Variants in DAB1 observed in about 807,000 individuals in gnomAD.
The protein encoded by DAB1 is DAB adaptor protein 1.
A neutral mutation model predicts 64.6 loss-of-function variants in DAB1; 15 were observed. The ratio of observed to expected loss-of-function variants is 0.23; its 90% confidence interval spans 0.16 to 0.36. The LOEUF (loss-of-function observed/expected upper bound fraction) is 0.36. Ranked by LOEUF, DAB1 falls within the 10% of genes least tolerant of loss-of-function variation. DAB1 has a pLI of 1.00. For synonymous variants in DAB1, 235 were observed against 251.9 expected (o/e 0.93, Z 0.64); for missense variants, 596 against 706.7 (o/e 0.84, Z 1.78).
At chr1:57,196,470 A>G (rs483412) in intron 2 of DAB1, among the ~76,000 whole-genome samples, 47,822 of 152,090 alleles carry the variant, frequency 0.31, 7,818 homozygotes, top group Middle Eastern at 0.39. Flanking sequence ...AACCAGGAAG[A>G]TTAGCAAACA....
In DAB1 at chr1:58,533,903, T is replaced by G. The variant is rs765296452; in HGVS notation, n.33-6568A>C. On this transcript the variant is annotated intron_variant and non_coding_transcript_variant, in intron 1 of 20. Coordinates refer to the DAB1 transcript ENST00000485760. ...CAGTTCTTTAAAAGATTTAACTTGT[T>G]AACTTCAAAGCAGTTTTTCCAAACC... 3.9e-5 allele frequency: 33 copies of G among 841,782 alleles called. No homozygotes were observed. In the South Asian group the frequency reaches 4.4e-4, roughly 11 times the overall value. The allele number at this position is 841,782 out of a possible 1,614,324, so 52.1% of individuals were successfully genotyped here. A position where few individuals can be genotyped will look rare whatever the true frequency, so the allele number is the denominator to read the frequency against.
intron 4 of DAB1, among the ~76,000 whole-genome samples, chr1:58,324,397 A>G (rs1662772805): frequency 6.6e-6 from 1 of 152,154 alleles, no homozygotes; most frequent in Admixed American, 6.5e-5. Context: ...TTTTCTCATC[A>G]TATTAGTTTT....
intron 5 of DAB1, among the ~76,000 whole-genome samples, chr1:57,984,260 G>GAA (rs869201141): frequency 2.2e-5 from 3 of 134,070 alleles, no homozygotes; most frequent in African/African-American, 8.4e-5. Context: ...AAGAAAGAAA[G>GAA]AAAAAAAATT....
chr1:58,501,963 C>T (rs969276178), intron 3 of DAB1, among the ~76,000 whole-genome samples: 1 of 151,876 alleles, frequency 6.6e-6, no homozygotes, highest in African/African-American at 2.4e-5. Context: ...AATTTATTAT[C>T]TGTCTCCCTT....
At chr1:57,880,553 T>A (rs1002079380) in intron 1 of DAB1, 1 of 152,204 alleles carries the variant, frequency 6.6e-6, no homozygotes, top group Admixed American at 6.5e-5. Flanking sequence ...CCTATCGGAA[T>A]GAATGTATCC....
At chr1:57,509,117 C>T (rs1004196520) in intron 7 of DAB1, among the ~76,000 whole-genome samples, 2 of 152,070 alleles carry the variant, frequency 1.3e-5, no homozygotes, top group Non-Finnish European at 2.9e-5. Flanking sequence ...ACATATTATA[C>T]ATACACACAC....
chr1:58,041,363 A>G (rs961764442), intron 5 of DAB1, among the ~76,000 whole-genome samples: 2 of 152,228 alleles, frequency 1.3e-5, no homozygotes, highest in Non-Finnish European at 2.9e-5. Flanking sequence ...TAGCATCTAG[A>G]AAAACACTTG....
At chr1:57,657,731 T>C (rs1274428228) in intron 6 of DAB1, among the ~76,000 whole-genome samples, 1 of 152,196 alleles carries the variant, frequency 6.6e-6, no homozygotes, top group Non-Finnish European at 1.5e-5. Context: ...TTCATGTGTG[T>C]AGTGGCATTA....
intron 2 of DAB1, among the ~76,000 whole-genome samples, chr1:57,219,809 G>A (rs760564319): frequency 1.5e-4 from 23 of 152,122 alleles, no homozygotes; most frequent in Admixed American, 6.5e-5. Context: ...ACTTGGAAGA[G>A]GATCCCAAGC....
chr1:57,797,445 C>T (rs1024246166), intron 6 of DAB1, among the ~76,000 whole-genome samples: 1 of 152,234 alleles, frequency 6.6e-6, no homozygotes, highest in Non-Finnish European at 1.5e-5. Flanking sequence ...TTTCTCTTCA[C>T]GTTCTTCTAT....
chr1:57,498,056 CTTAGAG>C (rs1644250027), intron 7 of DAB1, among the ~76,000 whole-genome samples: 1 of 152,100 alleles, frequency 6.6e-6, no homozygotes, highest in Non-Finnish European at 1.5e-5. Context: ...TCAAGGTGCT[CTTAGAG>C]TTAGAATGTG....
At chr1:58,449,728 G>C (rs1569811403) in intron 3 of DAB1, among the ~76,000 whole-genome samples, 1 of 138,750 alleles carries the variant, frequency 7.2e-6, no homozygotes, top group African/African-American at 2.6e-5. Flanking sequence ...GTCCCCAAAG[G>C]AGACAACTTC....
At chr1:57,493,967 A>T (rs1179293331) in intron 7 of DAB1, among the ~76,000 whole-genome samples, 1 of 152,190 alleles carries the variant, frequency 6.6e-6, no homozygotes, top group Non-Finnish European at 1.5e-5. Context: ...TAAGTCAAAA[A>T]CACTGAACCT....
At chr1:57,852,460 G>T (rs936012127) in intron 1 of DAB1, among the ~76,000 whole-genome samples, 6 of 152,040 alleles carry the variant, frequency 3.9e-5, no homozygotes, top group African/African-American at 1.4e-4. Context: ...GAAAATTCAG[G>T]AGGAATCCTA....
At chr1:57,440,830 G>T (rs1421942544) in intron 7 of DAB1, among the ~76,000 whole-genome samples, 1 of 152,122 alleles carries the variant, frequency 6.6e-6, no homozygotes, top group Non-Finnish European at 1.5e-5. Context: ...AATAATAATT[G>T]AGTATACTAT....
chr1:57,913,697 T>A (rs1227962178), intron 5 of DAB1, among the ~76,000 whole-genome samples: 5 of 152,202 alleles, frequency 3.3e-5, no homozygotes, highest in Admixed American at 3.3e-4. Context: ...TCTACTCATC[T>A]GACAAAGGGC....
chr1:57,224,474 C>A lies in DAB1; in HGVS notation c.67+66490G>T, dbSNP rs1235342987. Among the ~76,000 whole-genome samples, 13 of 152,288 alleles carry A rather than the reference C, an allele frequency of 8.5e-5. 1 individual carries two copies. In the South Asian group the frequency reaches 2.7e-3, roughly 32 times the overall value. On this transcript the variant is annotated intron_variant, in intron 2 of 14. Coordinates refer to ENST00000371236, the MANE Select transcript of DAB1 (RefSeq NM_001365792.1). ...AGAAGGCTTTCTTCAAGAGGAAGAA[C>A]CATCCTGACTGAGCCAAGATGCTGC...
At chr1:58,129,884 G>C (rs1308052783) in intron 5 of DAB1, among the ~76,000 whole-genome samples, 1 of 147,976 alleles carries the variant, frequency 6.8e-6, no homozygotes, top group South Asian at 2.2e-4. Context: ...CAACTATGTG[G>C]TCAATTTTGG....
rs542596387 is a variant in DAB1 at position 58,122,313 on chromosome 1, A to G, written n.387+28198T>C. Among the ~76,000 whole-genome samples, 135 of 152,314 alleles carry G rather than the reference A, an allele frequency of 8.9e-4. 1 individual carries two copies. The highest frequency in any genetic ancestry group is 3.1e-3 in the African/African-American group (128 of 41,576). Reference sequence around the variant, plus strand: ...CAACATGGCAAAGGGATTTGGAGTTAATAGATGTGGGCCTAATTTCCTGCT... The same window carrying G: ...CAACATGGCAAAGGGATTTGGAGTTGATAGATGTGGGCCTAATTTCCTGCT... On this transcript the variant is annotated intron_variant and non_coding_transcript_variant, in intron 5 of 20. Transcript: ENST00000485760.
Sources: allele counts gnomAD v4.1 joint callset (sites outside exome capture counted in the v4.1 genomes callset), GRCh38; gene constraint gnomAD v4.1.1; transcripts MANE v1.5; gene names NCBI Gene and HGNC (gene_info 2026-07-23, HGNC 2026-07-21).